The following RAPGEF2 variants were observed in gnomAD, a reference collection of about 807,000 sequenced individuals.
The protein encoded by RAPGEF2 is PDZ domain containing guanine nucleotide exchange factor (GEF) 1.
In RAPGEF2, 54 loss-of-function variants were observed where a neutral mutation model predicts 186.7. The observed-to-expected ratio is 0.29, with a 90% CI of 0.23 to 0.36. The LOEUF is 0.36. RAPGEF2 is among the 10% of genes least tolerant of loss of function. RAPGEF2 has a pLI of 1.00. For missense variants in RAPGEF2, 1,532 were observed against 2,045.0 expected (o/e 0.75, Z 4.84); for synonymous variants, 712 against 705.9 (o/e 1.01, Z -0.14).
chr4:159,182,228 A>G (rs569904195), intron 1 of RAPGEF2, among the ~76,000 whole-genome samples: 2 of 152,316 alleles, frequency 1.3e-5, no homozygotes, highest in Admixed American at 6.5e-5. Context: ...AAAGTTGTCT[A>G]TATGACGGTG....
chr4:159,160,631 T>G (rs981711067), intron 1 of RAPGEF2, among the ~76,000 whole-genome samples: 1 of 152,254 alleles, frequency 6.6e-6, no homozygotes, highest in African/African-American at 2.4e-5. Flanking sequence ...GGTATGTATC[T>G]TTAACATGAT....
chr4:159,185,510 TA>T (rs1409034465), intron 1 of RAPGEF2, among the ~76,000 whole-genome samples: 41 of 152,210 alleles, frequency 2.7e-4, no homozygotes, highest in African/African-American at 9.2e-4. Flanking sequence ...TGATACATGC[TA>T]AAACATGGAT....
chr4:159,224,705 T>C (rs1751853861), intron 4 of RAPGEF2, among the ~76,000 whole-genome samples: 1 of 152,120 alleles, frequency 6.6e-6, no homozygotes, highest in African/African-American at 2.4e-5. Flanking sequence ...TGTGTAACTG[T>C]TTTAAAGGTA....
intron 7 of RAPGEF2, among the ~76,000 whole-genome samples, chr4:159,289,130 G>A (rs1012168934): frequency 1.3e-5 from 2 of 152,070 alleles, no homozygotes; most frequent in African/African-American, 4.8e-5. Flanking sequence ...CTTTAAGGGT[G>A]TAAGTTTCAG....
chr4:159,332,862 T>G, intron 17 of RAPGEF2, 165 bp downstream of exon 17: 2 of 728,342 alleles, frequency 2.7e-6, no homozygotes, highest in South Asian at 6.5e-5. Context: ...TTTAATCTCG[T>G]TTTTGCCACT....
chr4:159,344,201 CAAATTGA>C (rs1485531159), intron 23 of RAPGEF2, 142 bp downstream of exon 23: 1 of 801,794 alleles, frequency 1.2e-6, no homozygotes, highest in African/African-American at 1.7e-5. Context: ...TTTCAGATGG[CAAATTGA>C]CTTCAAGTTT....
At chr4:159,255,504 T>C (rs1014664764) in intron 7 of RAPGEF2, among the ~76,000 whole-genome samples, 1 of 152,180 alleles carries the variant, frequency 6.6e-6, no homozygotes, top group Admixed American at 6.5e-5. Flanking sequence ...TCAAAATTCT[T>C]TCGGTAATCA....
chr4:159,280,232 C>T (rs1759510023), intron 7 of RAPGEF2, among the ~76,000 whole-genome samples: 1 of 152,168 alleles, frequency 6.6e-6, no homozygotes, highest in South Asian at 2.1e-4. Flanking sequence ...GGAGTTTTCT[C>T]AGCCAGACTG....
chr4:159,122,730 A>C (rs1217984963), intron 1 of RAPGEF2, among the ~76,000 whole-genome samples: 2 of 152,244 alleles, frequency 1.3e-5, no homozygotes, highest in African/African-American at 4.8e-5. Context: ...TTGCAGTAAA[A>C]GTGATCTTTT....
chr4:159,351,366 G>A (rs979988866), intron 26 of RAPGEF2, among the ~76,000 whole-genome samples: 3 of 151,948 alleles, frequency 2.0e-5, no homozygotes, highest in Non-Finnish European at 4.4e-5. Context: ...AACTTGCAGT[G>A]TGGTTTTATA....
chr4:159,243,582 A>G (rs1465029513), intron 6 of RAPGEF2, among the ~76,000 whole-genome samples, 192 bp from the exon 7 acceptor site: 1 of 152,048 alleles, frequency 6.6e-6, no homozygotes, highest in Non-Finnish European at 1.5e-5. Context: ...GGTGATTTAA[A>G]GTCATTGCAA....
At chr4:159,106,694 A>G (rs569791220) in intron 1 of RAPGEF2, among the ~76,000 whole-genome samples, 9 of 152,340 alleles carry the variant, frequency 5.9e-5, no homozygotes, top group African/African-American at 1.9e-4. Flanking sequence ...TGGGGAACAT[A>G]TGTAATTTTT....
chr4:159,181,536 A>T lies in RAPGEF2; in HGVS notation c.70-5106A>T, dbSNP rs539608024. Among the ~76,000 whole-genome samples the T allele has an allele frequency of 6.6e-5, 10 of 150,928 alleles. No individual in the cohort carries two copies. The East Asian group carries it at 2.0e-3, about 29-fold the overall frequency. ...TGTAAGACTTTAATATTAGCCTTACATTGTCAGAATATAAGCTCCTCAGAA... is the reference window on the plus strand; with the variant it reads ...TGTAAGACTTTAATATTAGCCTTACTTTGTCAGAATATAAGCTCCTCAGAA... On this transcript the variant is annotated intron_variant, in intron 1 of 29. Coordinates refer to ENST00000691494, the MANE Select transcript of RAPGEF2 (RefSeq NM_001394067.2).
intron 7 of RAPGEF2, among the ~76,000 whole-genome samples, chr4:159,292,361 A>G (rs1402281403): frequency 1.3e-5 from 2 of 152,196 alleles, no homozygotes; most frequent in Non-Finnish European, 2.9e-5. Flanking sequence ...GTGCTTCTGC[A>G]GGGGTCAGGC....
At position 159,241,922 on chromosome 4, in the gene RAPGEF2, G is replaced by A. The variant is rs1754061214; in HGVS notation, c.525+554G>A. Reference sequence around the variant, plus strand: ...TCTGAGATTTATTTTTTAATGCAGTGAAGGAGGAATAATTTGAAATAATGC... The same window carrying A: ...TCTGAGATTTATTTTTTAATGCAGTAAAGGAGGAATAATTTGAAATAATGC... On this transcript the variant is annotated intron_variant, in intron 6 of 29. Coordinates refer to ENST00000691494, the MANE Select transcript of RAPGEF2 (RefSeq NM_001394067.2). Among the ~76,000 whole-genome samples the A allele has an allele frequency of 2.6e-5, 4 of 152,004 alleles. No homozygotes were observed. In the South Asian group the frequency reaches 8.3e-4, roughly 31 times the overall value.
chr4:159,178,849 A>ACGCC (rs2111269282), intron 1 of RAPGEF2, among the ~76,000 whole-genome samples: 1 of 152,134 alleles, frequency 6.6e-6, no homozygotes, highest in South Asian at 2.1e-4. Context: ...GTGAGCCACC[A>ACGCC]CGCCTGACCT....
At chr4:159,189,339 C>T (rs1052282213) in intron 2 of RAPGEF2, among the ~76,000 whole-genome samples, 7 of 152,164 alleles carry the variant, frequency 4.6e-5, no homozygotes, top group Non-Finnish European at 8.8e-5. Flanking sequence ...GCTGTAAGAT[C>T]ACACACTGTG....
chr4:159,136,283 T>C (rs573700112), intron 1 of RAPGEF2, among the ~76,000 whole-genome samples: 1 of 152,326 alleles, frequency 6.6e-6, no homozygotes, highest in South Asian at 2.1e-4. Flanking sequence ...GCAGAGTCAT[T>C]ATTCGTATTA....
At chr4:159,260,450 C>T (rs977775350) in intron 7 of RAPGEF2, among the ~76,000 whole-genome samples, 8 of 152,008 alleles carry the variant, frequency 5.3e-5, no homozygotes, top group African/African-American at 1.9e-4. Context: ...TATATTATAT[C>T]AGCCTTTCTA....
Sources: gnomAD v4.1 joint callset for allele counts (sites outside exome capture counted in the v4.1 genomes callset) on GRCh38, gnomAD v4.1.1 for gene constraint, MANE v1.5 for transcripts, NCBI Gene and HGNC (gene_info 2026-07-23, HGNC 2026-07-21) for gene names.